Variants in ANO7 observed in about 807,000 individuals in gnomAD.
ANO7 encodes anoctamin 7, also known as anoctamin-7.
In ANO7, 114 loss-of-function variants were observed where a neutral mutation model predicts 115.8. The observed-to-expected ratio is 0.98, with a 90% CI of 0.85 to 1.15. ANO7 has a LOEUF of 1.15. ANO7 is among the 50% of genes most tolerant of loss of function. ANO7 has a pLI of 0.00. For synonymous variants in ANO7, 550 were observed against 498.2 expected, an observed-to-expected ratio of 1.10 and a Z score of -1.38; for missense variants, 1,302 against 1,201.2, an observed-to-expected ratio of 1.08 and a Z score of -1.24.
At chr2:241,226,510 T>C (rs533019800), downstream of ANO7, among the ~76,000 whole-genome samples, 416 of 151,918 alleles carry the variant, frequency 2.7e-3, no homozygotes, top group Non-Finnish European at 4.4e-3. Context: ...CTGCAAGCTC[T>C]GCCTCCCGGG....
chr2:241,194,427 G>C (rs562837665), intron 3 of ANO7, among the ~76,000 whole-genome samples: 1 of 150,404 alleles, frequency 6.6e-6, no homozygotes, highest in Non-Finnish European at 1.5e-5. Flanking sequence ...CCATTCTCCC[G>C]CCTCAGCCTC....
intron 13 of ANO7, 97 bp downstream of exon 13, chr2:241,209,732 C>A: frequency 2.1e-6 from 3 of 1,441,712 alleles, no homozygotes; most frequent in South Asian, 1.4e-5. Flanking sequence ...TGGCCAGATG[C>A]CTCCTCTGGG....
rs1436458457 is a variant in ANO7, at chr2:241,223,210, T to C, written c.2346T>C (p.Asp782=). ...GGTATCGGGCTTTCCGGGATGACGA[T>C]GGACATTATTCCCAGACCTACTGGA... ...TCRYRAFRDD[D]GHYSQTYWNL... Residue 782 remains aspartate, a synonymous_variant, in exon 22 of 25, where the codon GAT becomes GAC. Coordinates refer to ENST00000674324, the MANE Select transcript of ANO7 (RefSeq NM_001370694.2). The C allele has an allele frequency of 6.2e-7, 1 of 1,614,182 alleles. No individual in the cohort carries two copies.
intron 18 of ANO7, among the ~76,000 whole-genome samples, chr2:241,215,743 C>T (rs978738304): frequency 9.9e-5 from 15 of 152,232 alleles, no homozygotes; most frequent in African/African-American, 3.6e-4. Context: ...CCTGGGACAC[C>T]ACAGTCGTCC....
At chr2:241,235,705 C>A in the ANO7 span, 3 of 687,506 alleles carry the variant, frequency 4.4e-6, no homozygotes, top group East Asian at 2.6e-5. Flanking sequence ...ATGACAACAG[C>A]AATGTGCCCC....
chr2:241,238,867 C>T, the ANO7 span: 2 of 1,194,156 alleles, frequency 1.7e-6, no homozygotes, highest in African/African-American at 1.5e-5. The surrounding 1 kb of genome is among the most constrained non-coding windows in gnomAD (Gnocchi z 4.9). Flanking sequence ...CTCTTCACAC[C>T]ACCTTCCTCC....
In ANO7 at chr2:241,200,211, GA is replaced by G; in HGVS notation, c.542del (p.Asn181ThrfsTer240). 6.2e-7 allele frequency: 1 copy of G among 1,612,798 alleles called. No individual in the cohort carries two copies. The highest frequency in any genetic ancestry group is 8.5e-7 in the Non-Finnish European group (1 of 1,179,780). On this transcript the variant is annotated frameshift_variant, in exon 6 of 25. Coordinates refer to ENST00000674324, the MANE Select transcript of ANO7 (RefSeq NM_001370694.2). LOFTEE classifies it high-confidence loss of function. The part of the protein sequence containing the change: ...PEYYSCRFRV[N>X]KLPRFLGSDN... ...AGTACTACTCCTGCCGGTTCAGAGT[GA>G]ACAAGCTGCCACGGTAAGGCAGGGG...
downstream of ANO7, chr2:241,227,321 A>G (rs1302291601): frequency 1.3e-5 from 2 of 152,544 alleles, no homozygotes; most frequent in African/African-American, 4.8e-5. Context: ...TAGAATTTAT[A>G]AAATTCCAGT....
chr2:241,191,101 G>A, intron 2 of ANO7, 93 bp from the exon 3 acceptor site: 1 of 1,427,222 alleles, frequency 7.0e-7, no homozygotes, highest in Non-Finnish European at 9.8e-7. Context: ...ACGGGTTGGA[G>A]GCGAGGACGG....
chr2:241,222,102 C>G (rs2069035676), intron 21 of ANO7, among the ~76,000 whole-genome samples: 1 of 151,960 alleles, frequency 6.6e-6, no homozygotes, highest in African/African-American at 2.4e-5. Flanking sequence ...GGCATTGTGG[C>G]ACGGGCCTGT....
chr2:241,204,290 C>G (rs990998266), intron 9 of ANO7, among the ~76,000 whole-genome samples: 1 of 152,162 alleles, frequency 6.6e-6, no homozygotes, highest in Non-Finnish European at 1.5e-5. Context: ...TCACTTTGGC[C>G]AGCAGAGAGT....
downstream of ANO7, chr2:241,229,684 G>T: frequency 1.2e-6 from 2 of 1,614,126 alleles, no homozygotes; most frequent in Non-Finnish European, 1.7e-6. Context: ...CTCATGTCAG[G>T]AGCCTGTGCA....
chr2:241,197,289 G>A (rs528290482), intron 4 of ANO7, among the ~76,000 whole-genome samples: 1 of 152,188 alleles, frequency 6.6e-6, no homozygotes, highest in East Asian at 1.9e-4. Context: ...TAGTAGAGAC[G>A]GGGTTTCACC....
the ANO7 span, chr2:241,231,066 G>A: frequency 1.2e-6 from 1 of 827,050 alleles, no homozygotes. Context: ...CAACGTCACG[G>A]CTGATTTAAA....
Position 241,218,300 on chromosome 2 carries a change from C to A in ANO7, c.2240C>A (p.Ala747Asp), listed in dbSNP as rs764120273. 1.3e-6 allele frequency: 2 copies of A among 1,535,734 alleles called. No individual in the cohort carries two copies. The highest frequency in any genetic ancestry group is 2.9e-5 in the African/African-American group (2 of 70,170). Residue 747 changes from alanine to aspartate, a missense_variant, in exon 21 of 25, where the codon GCC (alanine) becomes GAC (aspartate). Physicochemically the swap from Ala to Asp is moderately radical, Grantham distance 126 (BLOSUM62 -2). Coordinates refer to ENST00000674324, the MANE Select transcript of ANO7 (RefSeq NM_001370694.2). ...CGCGCCTACTACCGGTGGACCCGCGCCCACGACCTGCGCGGCTTCCTCAAC... is the reference window on the plus strand; with the variant it reads ...CGCGCCTACTACCGGTGGACCCGCGACCACGACCTGCGCGGCTTCCTCAAC... ...LPRAYYRWTR[A>D]HDLRGFLNFT...
At chr2:241,230,988 G>A in the ANO7 span, 22 of 1,556,808 alleles carry the variant, frequency 1.4e-5, no homozygotes, top group Non-Finnish European at 1.9e-5. This position sits in a 1 kb window ranked among gnomAD's most constrained non-coding sequence, Gnocchi z 5.0. Flanking sequence ...GCCTTACTGG[G>A]ATTCCCGTCA....
the ANO7 span, chr2:241,236,436 C>T: frequency 7.7e-6 from 5 of 650,516 alleles, no homozygotes; most frequent in African/African-American, 9.1e-5. Context: ...GAAGTGGCCT[C>T]CCCAAACTCT....
Position 241,203,276 on chromosome 2 carries a change from C to A in ANO7, c.724-57C>A. Reference sequence around the variant, plus strand: ...CACACTGAAGCCCCTGCACCTACAACAGTGCCCAGTGGGGTCAGCTGGGGG... The same window carrying A: ...CACACTGAAGCCCCTGCACCTACAAAAGTGCCCAGTGGGGTCAGCTGGGGG... On this transcript the variant is annotated intron_variant, in intron 8 of 24. Transcript: ENST00000674324. The surrounding 1 kb of genome is among the most constrained non-coding windows in gnomAD (Gnocchi z 4.8). 1 of 1,396,592 alleles carries A rather than the reference C, an allele frequency of 7.2e-7. No individual in the cohort carries two copies. The highest frequency in any genetic ancestry group is 9.5e-7 in the Non-Finnish European group (1 of 1,053,156). 86.5% of individuals were successfully genotyped at this position (1,396,592 alleles called of 1,614,324 possible). A position where few individuals can be genotyped will look rare whatever the true frequency, so the allele number is the denominator to read the frequency against.
intron 1 of ANO7, 113 bp from the exon 2 acceptor site, chr2:241,189,944 C>T: frequency 1.3e-6 from 1 of 789,722 alleles, no homozygotes; most frequent in Middle Eastern, 3.7e-4. Context: ...CCCCATTCTA[C>T]TCCGAGTCGA....
Sources: allele counts gnomAD v4.1 joint callset (sites outside exome capture counted in the v4.1 genomes callset), GRCh38; gene constraint gnomAD v4.1.1; non-coding constraint Gnocchi (gnomAD v3.1); transcripts MANE v1.5; gene names NCBI Gene and HGNC (gene_info 2026-07-23, HGNC 2026-07-21).